ANKRD30B: variants seen among roughly 807,000 people sequenced by gnomAD.
ANKRD30B encodes the protein ankyrin repeat domain 30B.
In ANKRD30B, 144 loss-of-function variants were observed where a neutral mutation model predicts 202.2. The observed-to-expected ratio is 0.71, with a 90% CI of 0.62 to 0.82. The LOEUF is 0.82. Among genes scored for constraint, ANKRD30B ranks in the 40% least tolerant of loss-of-function variants. The pLI is 0.00. For missense variants in ANKRD30B, 1,487 were observed against 1,669.1 expected (o/e 0.89, Z 1.90); for synonymous variants, 508 against 561.3 (o/e 0.91, Z 1.34).
chr18:14,778,658 G>C (rs1967531275), intron 10 of ANKRD30B, among the ~76,000 whole-genome samples: 1 of 152,220 alleles, frequency 6.6e-6, no homozygotes, highest in African/African-American at 2.4e-5. Context: ...GTATTGACCA[G>C]AAGTTTTCAA....
chr18:14,879,239 A>T, the ANKRD30B span, among the ~76,000 whole-genome samples: 1 of 152,112 alleles, frequency 6.6e-6, no homozygotes, highest in Non-Finnish European at 1.5e-5. Context: ...AGTGTGGAAA[A>T]CGGGAAACCA....
chr18:14,933,486 A>C, the ANKRD30B span, among the ~76,000 whole-genome samples: 11 of 151,918 alleles, frequency 7.2e-5, no homozygotes, highest in Admixed American at 2.0e-4. Context: ...GGGAGCTGGG[A>C]CTGCAGGGAG....
rs142296460 is a variant in ANKRD30B at position 14,774,028 on chromosome 18, A to C, written c.1329+1800A>C. On this transcript the variant is annotated intron_variant, in intron 9 of 43. Transcript: ENST00000690538. ...AATTCTGATTACCAGTACTTTCTTC[A>C]GGTGAAAAGTTTATGGAACATTCCA... Among the ~76,000 whole-genome samples the C allele has an allele frequency of 4.4e-3, 674 of 152,304 alleles. 5 individuals are homozygous for C. Among genetic ancestry groups the C allele is most frequent in the Middle Eastern group, 6.8e-3 (2 of 294 alleles).
At chr18:14,761,274 A>C (rs1268888175) in intron 6 of ANKRD30B, among the ~76,000 whole-genome samples, 2 of 152,168 alleles carry the variant, frequency 1.3e-5, no homozygotes, top group Non-Finnish European at 2.9e-5. Context: ...AAAGAGCAGC[A>C]AGGGTTCCGA....
the ANKRD30B span, among the ~76,000 whole-genome samples, chr18:14,887,798 T>C: frequency 6.6e-6 from 1 of 151,970 alleles, no homozygotes; most frequent in Non-Finnish European, 1.5e-5. Flanking sequence ...AAATAGAGTT[T>C]AATGCTGTAA....
Position 14,748,394 on chromosome 18 carries a change from GCTCT to G in ANKRD30B, c.-21_-18del, listed in dbSNP as rs1912812930. 1 of 1,418,348 alleles carries G rather than the reference GCTCT, an allele frequency of 7.1e-7. No individual in the cohort carries two copies. Among genetic ancestry groups the G allele is most frequent in the South Asian group, 1.5e-5 (1 of 64,878 alleles). 87.9% of individuals were successfully genotyped at this position (1,418,348 alleles called of 1,614,324 possible). On this transcript the variant is annotated 5_prime_UTR_variant, in exon 1 of 44. Transcript: ENST00000690538. ...GGGGAAGGGCGAGCGGGAGGCGCGG[GCTCT>G]CTCTAGCAGGGGGCTGCAGCCATGA...
Position 14,783,368 on chromosome 18 carries a change from G to A in ANKRD30B, c.1570+754G>A, listed in dbSNP as rs375689365. ...TGGAGCTCACTTTGAATAGCAAGAG[G>A]AGTGCTCATTAGGTTTCTATGTTAC... On this transcript the variant is annotated intron_variant, in intron 12 of 43. Transcript: ENST00000690538. 5.3e-5 allele frequency among the ~76,000 whole-genome samples: 8 copies of A among 152,178 alleles called. No homozygotes were observed. In the East Asian group the frequency reaches 1.4e-3, roughly 26 times the overall value.
rs2143603438 is a variant in ANKRD30B, at chr18:14,748,337, T to G, written c.-83T>G. 4 of 1,191,988 alleles carry G rather than the reference T, an allele frequency of 3.4e-6. No individual in the cohort carries two copies. Among genetic ancestry groups the G allele is most frequent in the East Asian group, 5.7e-5 (2 of 35,060 alleles). The allele number at this position is 1,191,988 out of a possible 1,614,324, so 73.8% of individuals were successfully genotyped here. A position where few individuals can be genotyped will look rare whatever the true frequency, so the allele number is the denominator to read the frequency against. ...GCCGGGGGCGGGTGCTGGGGAAGGG[T>G]AAGCGGGAAGCGAGGGCGAGGGGTA... On this transcript the variant is annotated 5_prime_UTR_variant, in exon 1 of 44. Coordinates refer to ENST00000690538, the MANE Select transcript of ANKRD30B (RefSeq NM_001367607.2).
rs765182639 is a variant in ANKRD30B, at chr18:14,852,242, G to A, written c.4298G>A (p.Arg1433Gln). 24 of 1,563,688 alleles carry A rather than the reference G, an allele frequency of 1.5e-5. No individual in the cohort carries two copies. The African/African-American group carries it at 2.2e-4, about 14-fold the overall frequency. Residue 1433 changes from arginine (R) to glutamine (Q), a missense_variant, in exon 42 of 44, where the codon CGA (arginine) becomes CAA (glutamine). Physicochemically the swap from Arg to Gln is conservative, Grantham distance 43 (BLOSUM62 1). Transcript: ENST00000690538. ...CTAGAAAGCAAAAATAGGTGGCTTCGACAGCAATTAGTTTATGCACATAAG... is the reference window on the plus strand; with the variant it reads ...CTAGAAAGCAAAAATAGGTGGCTTCAACAGCAATTAGTTTATGCACATAAG... ...FQLESKNRWL[R>Q]QQLVYAHKKV...
At chr18:14,891,158 T>A in the ANKRD30B span, among the ~76,000 whole-genome samples, 1 of 152,178 alleles carries the variant, frequency 6.6e-6, no homozygotes, top group Non-Finnish European at 1.5e-5. Flanking sequence ...GTGTCAATTA[T>A]CTGTGTGATT....
chr18:14,836,911 C>T (rs1423601138), intron 34 of ANKRD30B, among the ~76,000 whole-genome samples: 2 of 151,990 alleles, frequency 1.3e-5, no homozygotes, highest in East Asian at 3.9e-4. Flanking sequence ...ACTGATTTTT[C>T]TCTCCTTTGT....
intron 15 of ANKRD30B, among the ~76,000 whole-genome samples, chr18:14,788,790 A>G (rs1968265424): frequency 6.6e-6 from 1 of 151,962 alleles, no homozygotes; most frequent in African/African-American, 2.4e-5. Context: ...AATCCAGTCT[A>G]TCATTGTTGG....
the ANKRD30B span, among the ~76,000 whole-genome samples, chr18:14,860,723 G>T: frequency 6.6e-6 from 1 of 150,682 alleles, no homozygotes; most frequent in African/African-American, 2.4e-5. Flanking sequence ...TTTTTTTTTG[G>T]AGACAGAGTC....
intron 41 of ANKRD30B, among the ~76,000 whole-genome samples, chr18:14,850,861 T>G (rs1201831804): frequency 6.6e-6 from 1 of 151,866 alleles, no homozygotes; most frequent in Non-Finnish European, 1.5e-5. Flanking sequence ...TGAGATTTGG[T>G]GGAGAAGTCC....
intron 15 of ANKRD30B, 39 bp from the exon 16 acceptor site, chr18:14,791,362 T>A: frequency 1.3e-6 from 2 of 1,524,434 alleles, no homozygotes; most frequent in Non-Finnish European, 8.9e-7. Context: ...TTACTAGGAT[T>A]TTTTCATTGA....
the ANKRD30B span, among the ~76,000 whole-genome samples, chr18:14,902,250 C>T: frequency 6.6e-6 from 1 of 152,090 alleles, no homozygotes; most frequent in African/African-American, 2.4e-5. Context: ...GGACACAAAG[C>T]CAAACCATAT....
At chr18:14,868,282 G>A in the ANKRD30B span, among the ~76,000 whole-genome samples, 3 of 152,298 alleles carry the variant, frequency 2.0e-5, no homozygotes, top group Admixed American at 2.0e-4. Flanking sequence ...CTCAGTGATG[G>A]TGGAGGTGCA....
chr18:14,904,098 C>A, the ANKRD30B span, among the ~76,000 whole-genome samples: 1 of 152,334 alleles, frequency 6.6e-6, no homozygotes, highest in South Asian at 2.1e-4. Flanking sequence ...CATCCACCCA[C>A]AGCAGGGCAG....
chr18:14,752,911 G>A lies in ANKRD30B; in HGVS notation c.409G>A (p.Val137Met), dbSNP rs765818214. The change falls in exon 3 of 44, where the codon GTG becomes ATG. Residue 137 changes from valine (V) to methionine (M), a missense_variant. By Grantham distance (21) the Val-to-Met change is conservative. This residue lies in a region of ANKRD30B where 889 missense variants were observed against 841.4 expected (regional missense o/e 1.06). Coordinates refer to ENST00000690538, the MANE Select transcript of ANKRD30B (RefSeq NM_001367607.2). ...DAGADLNYVD[V>M]YGNTALHYAV... The stretch of plus-strand genomic sequence containing the variant: ...TGGTGCTGATCTAAATTATGTAGAT[G>A]TGTATGGCAACACGGCTCTCCATTA... The A allele has an allele frequency of 1.1e-5, 17 of 1,605,696 alleles. No homozygotes were observed. Among genetic ancestry groups the A allele is most frequent in the Middle Eastern group, 1.7e-4 (1 of 6,058 alleles).
Sources: allele counts gnomAD v4.1 joint callset (sites outside exome capture counted in the v4.1 genomes callset), GRCh38; gene constraint gnomAD v4.1.1; regional missense constraint gnomAD v4.1.1; transcripts MANE v1.5; gene names NCBI Gene and HGNC (gene_info 2026-07-23, HGNC 2026-07-21).